The following MALRD1 variants were observed in gnomAD, a reference collection of about 807,000 sequenced individuals.
MALRD1 encodes MAM and LDL receptor class A domain containing 1.
MALRD1 carries 247 observed loss-of-function variants against 242.1 expected under a neutral mutation model. The ratio of observed to expected loss-of-function variants is 1.02; its 90% confidence interval spans 0.92 to 1.13. The LOEUF is 1.13. Ranked by LOEUF, MALRD1 falls within the 50% of genes most tolerant of loss-of-function variation. MALRD1 has a pLI of 0.00. For missense variants in MALRD1, 2,989 were observed against 2,533.1 expected (o/e 1.18, Z -3.86); for synonymous variants, 995 against 866.6 (o/e 1.15, Z -2.60).
At chr10:19,324,518 A>G (rs1843034992) in intron 22 of MALRD1, among the ~76,000 whole-genome samples, 1 of 152,078 alleles carries the variant, frequency 6.6e-6, no homozygotes, top group African/African-American at 2.4e-5. Context: ...TTCTCTGTTA[A>G]AAACGTTAAG....
intron 36 of MALRD1, among the ~76,000 whole-genome samples, chr10:19,674,599 G>A (rs939436863): frequency 6.6e-6 from 1 of 152,056 alleles, no homozygotes; most frequent in African/African-American, 2.4e-5. Flanking sequence ...TATATTTCAA[G>A]TGATAAAGAG....
At chr10:19,361,410 A>C (rs2130706481) in intron 26 of MALRD1, among the ~76,000 whole-genome samples, 1 of 152,282 alleles carries the variant, frequency 6.6e-6, no homozygotes, top group South Asian at 2.1e-4. Context: ...TCCCCCAGAC[A>C]CTAAAGAGCT....
intron 33 of MALRD1, among the ~76,000 whole-genome samples, chr10:19,573,488 A>G (rs2131480950): frequency 6.6e-6 from 1 of 152,284 alleles, no homozygotes; most frequent in South Asian, 2.1e-4. Context: ...ATTTCATCCA[A>G]CTTTAGGCAG....
chr10:19,352,655 T>G (rs1429531023), intron 26 of MALRD1, among the ~76,000 whole-genome samples: 3 of 152,116 alleles, frequency 2.0e-5, no homozygotes, highest in African/African-American at 7.2e-5. Flanking sequence ...GAGGACAGAG[T>G]TATTCAATTT....
intron 18 of MALRD1, among the ~76,000 whole-genome samples, chr10:19,224,561 G>A (rs1045973108): frequency 1.3e-5 from 2 of 152,280 alleles, no homozygotes; most frequent in Non-Finnish European, 2.9e-5. Context: ...AAAGTGATGG[G>A]ATTACAGGCG....
At chr10:19,270,806 TAACACACA>T (rs1564517870) in intron 19 of MALRD1, among the ~76,000 whole-genome samples, 1 of 69,372 alleles carries the variant, frequency 1.4e-5, no homozygotes, top group African/African-American at 5.0e-5. Flanking sequence ...ATTCAAAGGA[TAACACACA>T]CACACACACA....
chr10:19,363,911 A>G (rs898546334), intron 26 of MALRD1, among the ~76,000 whole-genome samples: 1 of 152,118 alleles, frequency 6.6e-6, no homozygotes, highest in Non-Finnish European at 1.5e-5. Context: ...TGATTCTAAT[A>G]TGCAACCAGG....
chr10:19,676,993 A>G (rs976403270), intron 36 of MALRD1, among the ~76,000 whole-genome samples: 1 of 152,140 alleles, frequency 6.6e-6, no homozygotes, highest in Non-Finnish European at 1.5e-5. Flanking sequence ...CAAGAACATG[A>G]TCTCATTCTG....
rs12219510 is a variant in MALRD1, at chr10:19,113,832, G to C, written c.695-9660G>C. Among the ~76,000 whole-genome samples the C allele has an allele frequency of 6.8e-3, 637 of 93,934 alleles. 5 individuals carry two copies. The highest frequency in any genetic ancestry group is 0.02 in the Middle Eastern group (4 of 200). The allele number at this position is 93,934 out of a possible 152,430, so 61.6% of individuals were successfully genotyped here. ...ACACACACACACACACACACACACAGACACACACACACAGACACATGTGTA... is the reference window on the plus strand; with the variant it reads ...ACACACACACACACACACACACACACACACACACACACAGACACATGTGTA... On this transcript the variant is annotated intron_variant, in intron 5 of 39. Coordinates refer to ENST00000454679, the MANE Select transcript of MALRD1 (RefSeq NM_001142308.3).
intron 18 of MALRD1, among the ~76,000 whole-genome samples, chr10:19,222,225 C>A (rs2131667611): frequency 6.6e-6 from 1 of 152,138 alleles, no homozygotes; most frequent in Non-Finnish European, 1.5e-5. Flanking sequence ...CATTTGAATG[C>A]TTTCTGCTCA....
chr10:19,276,037 C>A (rs967004034), intron 19 of MALRD1, among the ~76,000 whole-genome samples: 1 of 152,162 alleles, frequency 6.6e-6, no homozygotes, highest in East Asian at 1.9e-4. Flanking sequence ...TAAATTGGAG[C>A]ATAGAACATT....
At position 19,641,307 on chromosome 10, in the gene MALRD1, A is replaced by T. The variant is rs535229063; in HGVS notation, c.6137+25384A>T. Among the ~76,000 whole-genome samples, 3 of 152,302 alleles carry T rather than the reference A, an allele frequency of 2.0e-5. No individual in the cohort carries two copies. The South Asian group carries it at 6.2e-4, about 32-fold the overall frequency. ...ATAAACTGTCCATGTCAGAGTGTAA[A>T]GCAATAGTTATATGTACACCACTCA... is the stretch of plus-strand genomic sequence containing the variant. On this transcript the variant is annotated intron_variant, in intron 36 of 39. Transcript: ENST00000454679.
intron 21 of MALRD1, among the ~76,000 whole-genome samples, chr10:19,288,122 G>A (rs914899170): frequency 1.3e-5 from 2 of 151,778 alleles, no homozygotes; most frequent in Non-Finnish European, 2.9e-5. Flanking sequence ...TGCCACACAG[G>A]CTGGAGTGCA....
At chr10:19,626,081 C>A (rs909974736) in intron 36 of MALRD1, among the ~76,000 whole-genome samples, 6 of 151,978 alleles carry the variant, frequency 3.9e-5, no homozygotes, top group Non-Finnish European at 5.9e-5. Flanking sequence ...AGAGACCATG[C>A]AGGGTGGTGC....
intron 33 of MALRD1, among the ~76,000 whole-genome samples, chr10:19,586,603 A>G (rs191530391): frequency 2.0e-5 from 3 of 152,262 alleles, no homozygotes; most frequent in African/African-American, 4.8e-5. Flanking sequence ...CTAGCTGTGT[A>G]CTGGGAGAAC....
intron 21 of MALRD1, among the ~76,000 whole-genome samples, chr10:19,292,087 A>C (rs1363987972): frequency 5.3e-5 from 8 of 150,034 alleles, no homozygotes; most frequent in Non-Finnish European, 4.4e-5. Context: ...TCTCAAAAAA[A>C]AAAAAAAAAA....
At chr10:19,061,026 C>G (rs566720929) in intron 1 of MALRD1, among the ~76,000 whole-genome samples, 1 of 152,106 alleles carries the variant, frequency 6.6e-6, no homozygotes, top group Non-Finnish European at 1.5e-5. Flanking sequence ...TAACAGAAAA[C>G]CAAACACCAC....
chr10:19,151,172 A>G (rs1833932862), intron 11 of MALRD1, among the ~76,000 whole-genome samples: 1 of 152,082 alleles, frequency 6.6e-6, no homozygotes, highest in African/African-American at 2.4e-5. Flanking sequence ...TTTGCATTTC[A>G]CTGAAAAATA....
intron 33 of MALRD1, among the ~76,000 whole-genome samples, chr10:19,582,114 G>C (rs1255943834): frequency 2.0e-5 from 3 of 151,942 alleles, no homozygotes; most frequent in Non-Finnish European, 4.4e-5. Context: ...TGTAGATCCT[G>C]GATATTAGCC....
Sources: gnomAD v4.1 joint callset for allele counts (sites outside exome capture counted in the v4.1 genomes callset) on GRCh38, gnomAD v4.1.1 for gene constraint, MANE v1.5 for transcripts, NCBI Gene and HGNC (gene_info 2026-07-23, HGNC 2026-07-21) for gene names.